The following RPTOR variants were observed in gnomAD, a reference collection of about 807,000 sequenced individuals.
The protein encoded by RPTOR is regulatory associated protein of MTOR complex 1.
Under a neutral mutation model 169.9 loss-of-function variants are expected in RPTOR, and 21 were observed. That is an observed-to-expected ratio of 0.12 (90% confidence interval 0.09 to 0.18). The LOEUF is 0.18. Ranked by LOEUF, RPTOR falls within the 10% of genes least tolerant of loss-of-function variation. The probability of loss-of-function intolerance (pLI) is 1.00; values close to 1 mark genes in which losing one functional copy is unlikely to be tolerated. For synonymous variants in RPTOR, 732 were observed against 753.2 expected (o/e 0.97, Z 0.46); for missense variants, 1,133 against 1,855.9 (o/e 0.61, Z 7.16).
intron 3 of RPTOR, among the ~76,000 whole-genome samples, chr17:80,656,958 T>C (rs756645248): frequency 1.6e-4 from 24 of 152,218 alleles, no homozygotes; most frequent in Non-Finnish European, 2.9e-4. Context: ...GCTGTTTCCT[T>C]TGCCTTTGTT....
At chr17:80,857,414 G>A (rs771340800) in intron 12 of RPTOR, among the ~76,000 whole-genome samples, 6 of 152,224 alleles carry the variant, frequency 3.9e-5, no homozygotes, top group Admixed American at 6.5e-5. Flanking sequence ...GCCGTCACAG[G>A]TGGCCGTGGC....
At chr17:80,811,082 T>C (rs1431189335) in intron 7 of RPTOR, among the ~76,000 whole-genome samples, 1 of 152,236 alleles carries the variant, frequency 6.6e-6, no homozygotes, top group Non-Finnish European at 1.5e-5. Flanking sequence ...TTTTTCTTGC[T>C]TTGTTGCACT....
At chr17:80,944,007 C>A (rs2069067714) in intron 25 of RPTOR, among the ~76,000 whole-genome samples, 2 of 152,206 alleles carry the variant, frequency 1.3e-5, no homozygotes, top group African/African-American at 4.8e-5. Context: ...GGCTTATGCA[C>A]CCACAGATCC....
intron 1 of RPTOR, among the ~76,000 whole-genome samples, chr17:80,594,437 G>T (rs946775164): frequency 6.6e-5 from 10 of 152,308 alleles, no homozygotes; most frequent in African/African-American, 1.9e-4. Flanking sequence ...TTTTGAGTTC[G>T]ATACCAGCGT....
At chr17:80,848,827 C>A (rs2067761089) in intron 11 of RPTOR, among the ~76,000 whole-genome samples, 1 of 152,350 alleles carries the variant, frequency 6.6e-6, no homozygotes, top group East Asian at 1.9e-4. Flanking sequence ...CTGTTGATTT[C>A]TTTCAATGTT....
At chr17:80,841,882 TCA>T (rs2067670578) in intron 10 of RPTOR, among the ~76,000 whole-genome samples, 1 of 100,720 alleles carries the variant, frequency 9.9e-6, no homozygotes, top group Non-Finnish European at 1.9e-5. Context: ...GCACCGCAGC[TCA>T]CTCTTACCGC....
intron 1 of RPTOR, among the ~76,000 whole-genome samples, chr17:80,616,537 T>A (rs1185553958): frequency 2.0e-5 from 3 of 152,188 alleles, no homozygotes; most frequent in Non-Finnish European, 4.4e-5. Context: ...GACCTCGTGA[T>A]CTGCCTGCTT....
chr17:80,597,217 G>T (rs761515188), intron 1 of RPTOR, among the ~76,000 whole-genome samples: 2 of 152,164 alleles, frequency 1.3e-5, no homozygotes, highest in Non-Finnish European at 2.9e-5. Flanking sequence ...GGAGAGCCTC[G>T]TAGAGGGGAT....
chr17:80,545,859 A>G (rs1169483539), intron 1 of RPTOR, 68 bp downstream of exon 1: 44 of 1,385,022 alleles, frequency 3.2e-5, no homozygotes, highest in Non-Finnish European at 3.9e-5. Context: ...TACAGCCCGA[A>G]AAGTGTCCTT....
Position 80,949,850 on chromosome 17 carries a change from C to G in RPTOR, c.3370+303C>G, listed in dbSNP as rs555911397. ...CTGCTTGGGACAGCATCACTGCTGG[C>G]AGGGCCTAAAGGGCCCGCATCACGG... On this transcript the variant is annotated intron_variant, in intron 28 of 33. Coordinates refer to ENST00000306801, the MANE Select transcript of RPTOR (RefSeq NM_020761.3). Among the ~76,000 whole-genome samples, 52 of 152,374 alleles carry G rather than the reference C, an allele frequency of 3.4e-4. 1 individual carries two copies. The highest frequency in any genetic ancestry group is 3.4e-3 in the Middle Eastern group (1 of 294).
chr17:80,806,616 G>A (rs1897435765), intron 7 of RPTOR, among the ~76,000 whole-genome samples: 1 of 152,158 alleles, frequency 6.6e-6, no homozygotes, highest in African/African-American at 2.4e-5. Context: ...TAGACACACT[G>A]ACCACCTTAA....
chr17:80,797,381 C>G (rs1216395273), intron 7 of RPTOR, among the ~76,000 whole-genome samples: 2 of 152,226 alleles, frequency 1.3e-5, no homozygotes, highest in Non-Finnish European at 2.9e-5. Flanking sequence ...CTCCTGACCT[C>G]AGATGATCTG....
chr17:80,819,704 T>G (rs775542064), intron 7 of RPTOR, among the ~76,000 whole-genome samples: 2 of 152,200 alleles, frequency 1.3e-5, no homozygotes, highest in Non-Finnish European at 2.9e-5. Flanking sequence ...TGTTTTTGTT[T>G]AGGGCAGGGA....
At chr17:80,592,276 TAA>T (rs1241143366) in intron 1 of RPTOR, among the ~76,000 whole-genome samples, 1 of 152,180 alleles carries the variant, frequency 6.6e-6, no homozygotes, top group African/African-American at 2.4e-5. Flanking sequence ...GGTAAGGAAC[TAA>T]ATACAACTCA....
At chr17:80,905,812 TG>T (rs377017906) in intron 20 of RPTOR, among the ~76,000 whole-genome samples, 1 of 151,778 alleles carries the variant, frequency 6.6e-6, no homozygotes, top group South Asian at 2.1e-4. Flanking sequence ...CCGCCGGGAG[TG>T]GGGGGCCTCC....
intron 4 of RPTOR, among the ~76,000 whole-genome samples, chr17:80,714,084 G>A (rs1428940778): frequency 2.6e-5 from 4 of 151,912 alleles, no homozygotes; most frequent in Non-Finnish European, 5.9e-5. Context: ...GACTACAGGC[G>A]CCCACCACCA....
intron 7 of RPTOR, among the ~76,000 whole-genome samples, chr17:80,801,003 G>A (rs1208612557): frequency 6.6e-6 from 1 of 152,234 alleles, no homozygotes; most frequent in African/African-American, 2.4e-5. Context: ...GGGACAGCAG[G>A]TGCGGGGCTG....
At chr17:80,776,321 C>CTTTTTT (rs545348018) in intron 6 of RPTOR, among the ~76,000 whole-genome samples, 5 of 112,242 alleles carry the variant, frequency 4.5e-5, no homozygotes, top group East Asian at 2.5e-4. Context: ...GCCAAACTTC[C>CTTTTTT]TTTTTTTTTT....
intron 6 of RPTOR, among the ~76,000 whole-genome samples, chr17:80,787,171 T>C (rs1228624169): frequency 6.6e-6 from 1 of 152,226 alleles, no homozygotes; most frequent in African/African-American, 2.4e-5. Flanking sequence ...TTAAGACCAT[T>C]ACTTTTCTTT....
Sources: allele counts gnomAD v4.1 joint callset (sites outside exome capture counted in the v4.1 genomes callset), GRCh38; gene constraint gnomAD v4.1.1; transcripts MANE v1.5; gene names NCBI Gene and HGNC (gene_info 2026-07-23, HGNC 2026-07-21).